ANKRD31: variants seen among roughly 807,000 people sequenced by gnomAD.
The protein encoded by ANKRD31 is ankyrin repeat domain 31.
ANKRD31 carries 147 observed loss-of-function variants against 186.0 expected under a neutral mutation model. That is an observed-to-expected ratio of 0.79 (90% CI 0.69 to 0.91). The LOEUF is 0.91. Ranked by LOEUF, ANKRD31 falls within the 40% of genes least tolerant of loss-of-function variation. The pLI is 0.00. For synonymous variants in ANKRD31, 673 were observed against 736.4 expected (o/e 0.91, Z 1.39); for missense variants, 1,986 against 2,148.8 (o/e 0.92, Z 1.50).
chr5:75,196,637 T>G (rs1024194085), intron 6 of ANKRD31, among the ~76,000 whole-genome samples: 7 of 152,206 alleles, frequency 4.6e-5, no homozygotes, highest in Non-Finnish European at 1.0e-4. Context: ...ACCTTCTTTT[T>G]GTTCCCCCAC....
intron 3 of ANKRD31, among the ~76,000 whole-genome samples, chr5:75,218,865 G>C (rs1580581060): frequency 6.6e-6 from 1 of 152,002 alleles, no homozygotes; most frequent in East Asian, 1.9e-4. Context: ...TCATCAAACA[G>C]AAATAAAAGA....
rs1233119679 is a variant in ANKRD31 at position 75,206,422 on chromosome 5, TGGTGGTTCAA to T, written c.382_391del (p.Leu128LysfsTer17). 5 of 1,478,508 alleles carry T rather than the reference TGGTGGTTCAA, an allele frequency of 3.4e-6. No individual in the cohort carries two copies. The highest frequency in any genetic ancestry group is 4.5e-6 in the Non-Finnish European group (5 of 1,122,282). 91.6% of individuals were successfully genotyped at this position (1,478,508 alleles called of 1,614,324 possible). On this transcript the variant is annotated frameshift_variant, in exon 5 of 26. Transcript: ENST00000506364. LOFTEE classifies it high-confidence loss of function. ...CCATGAAAACATACCTTCAATATTT[TGGTGGTTCAA>T]TGAAAGTCCAGACTGGCGAAACGAC...
intron 11 of ANKRD31, among the ~76,000 whole-genome samples, chr5:75,160,872 A>T (rs6893867): frequency 0.049 from 7,436 of 152,176 alleles, 394 homozygotes; most frequent in African/African-American, 0.13. Flanking sequence ...CTTGGTTCTC[A>T]TTCTCTCTCT....
chr5:75,182,139 T>A (rs1754358133), intron 10 of ANKRD31, among the ~76,000 whole-genome samples: 1 of 152,154 alleles, frequency 6.6e-6, no homozygotes, highest in African/African-American at 2.4e-5. Flanking sequence ...AACTACCTAT[T>A]TTTAAAATGT....
intron 22 of ANKRD31, among the ~76,000 whole-genome samples, chr5:75,101,127 C>T (rs1005445823): frequency 2.0e-5 from 3 of 152,128 alleles, no homozygotes; most frequent in Non-Finnish European, 4.4e-5. Context: ...CTGGTGGTGA[C>T]AAAATCTCTC....
chr5:75,210,721 A>G (rs1756571416), intron 4 of ANKRD31, 107 bp downstream of exon 4: 2 of 818,576 alleles, frequency 2.4e-6, no homozygotes, highest in South Asian at 5.4e-5. Context: ...GCAATTATTC[A>G]AAAATATACA....
At chr5:75,128,091 T>C (rs981265476) in intron 17 of ANKRD31, among the ~76,000 whole-genome samples, 2 of 152,172 alleles carry the variant, frequency 1.3e-5, no homozygotes, top group African/African-American at 4.8e-5. Context: ...TCCAAATACA[T>C]GTGCATCTTT....
chr5:75,186,431 A>G (rs1469154941), intron 10 of ANKRD31, among the ~76,000 whole-genome samples: 1 of 152,162 alleles, frequency 6.6e-6, no homozygotes, highest in Admixed American at 6.6e-5. Flanking sequence ...TGTCTCTCAT[A>G]TTTTATGTTA....
chr5:75,197,440 A>C (rs187700288), intron 6 of ANKRD31, among the ~76,000 whole-genome samples: 1 of 152,296 alleles, frequency 6.6e-6, no homozygotes, highest in Non-Finnish European at 1.5e-5. Flanking sequence ...AAGCCTTCTA[A>C]TATTCTAATC....
chr5:75,231,980 T>C (rs1345930737), intron 1 of ANKRD31, among the ~76,000 whole-genome samples: 1 of 150,960 alleles, frequency 6.6e-6, no homozygotes, highest in East Asian at 2.0e-4. Context: ...ATCAGAAAAG[T>C]TGGCAATGAA....
At chr5:75,101,000 T>G (rs965176234) in intron 22 of ANKRD31, among the ~76,000 whole-genome samples, 1 of 152,238 alleles carries the variant, frequency 6.6e-6, no homozygotes, top group Non-Finnish European at 1.5e-5. Flanking sequence ...CGTTAGTTGA[T>G]GCAGTTTTTT....
rs113471789 is a variant in ANKRD31 at position 75,068,579 on chromosome 5, T to C, written c.5733A>G (p.Pro1911=). ...TCCAATGCTGATCCATTATGTGGCA[T>C]GGGAGAAATTCTTGATCACTGATTA... ...ILLISDQEFL[P]CHIMDQHWKF... is the part of the protein sequence containing the mutation. Residue 1911 remains proline (P), a synonymous_variant, in exon 26 of 26, where the codon CCA becomes CCG. Coordinates refer to ENST00000506364, the MANE Select transcript of ANKRD31 (RefSeq NM_001372053.1). 2.4e-4 allele frequency: 368 copies of C among 1,527,986 alleles called. No homozygotes were observed. The Middle Eastern group carries it at 5.2e-3, about 22-fold the overall frequency. 94.7% of individuals were successfully genotyped at this position (1,527,986 alleles called of 1,614,324 possible). A position where few individuals can be genotyped will look rare whatever the true frequency, so the allele number is the denominator to read the frequency against.
chr5:75,079,886 T>G (rs932505373), intron 25 of ANKRD31, among the ~76,000 whole-genome samples: 8 of 152,106 alleles, frequency 5.3e-5, no homozygotes, highest in Non-Finnish European at 1.2e-4. Flanking sequence ...GCAGATCACT[T>G]GAACTCAGGA....
chr5:75,215,293 C>T (rs879120845), intron 3 of ANKRD31, among the ~76,000 whole-genome samples: 2 of 152,294 alleles, frequency 1.3e-5, no homozygotes, highest in Admixed American at 6.5e-5. Flanking sequence ...GGTCCACTGA[C>T]TTTAATGTTA....
At chr5:75,177,064 G>A (rs1229793144) in intron 10 of ANKRD31, among the ~76,000 whole-genome samples, 1 of 152,184 alleles carries the variant, frequency 6.6e-6, no homozygotes, top group Non-Finnish European at 1.5e-5. Context: ...GGAAACCACG[G>A]CACGAGAACT....
intron 19 of ANKRD31, among the ~76,000 whole-genome samples, chr5:75,115,076 C>T (rs1340427529): frequency 6.6e-6 from 1 of 151,780 alleles, no homozygotes. Flanking sequence ...ATCAATGGAA[C>T]AGAACAGAGC....
intron 11 of ANKRD31, among the ~76,000 whole-genome samples, chr5:75,167,171 T>C (rs990620367): frequency 6.6e-6 from 1 of 151,984 alleles, no homozygotes; most frequent in Non-Finnish European, 1.5e-5. Flanking sequence ...TGGTAAGATG[T>C]GGATTTTTTT....
At chr5:75,235,250 T>C (rs1758192461) in intron 1 of ANKRD31, among the ~76,000 whole-genome samples, 1 of 147,254 alleles carries the variant, frequency 6.8e-6, no homozygotes. Flanking sequence ...ACTTTTTTTT[T>C]TTTTTTTTTT....
chr5:75,074,075 T>C (rs780152530), intron 25 of ANKRD31, among the ~76,000 whole-genome samples: 5 of 152,180 alleles, frequency 3.3e-5, no homozygotes, highest in Admixed American at 6.5e-5. Context: ...AGCATACATA[T>C]ACTTCTCAAT....
Sources: gnomAD v4.1 joint callset for allele counts (sites outside exome capture counted in the v4.1 genomes callset) on GRCh38, gnomAD v4.1.1 for gene constraint, MANE v1.5 for transcripts, NCBI Gene and HGNC (gene_info 2026-07-23, HGNC 2026-07-21) for gene names.